PCF11: variants seen among roughly 807,000 people sequenced by gnomAD.
PCF11 encodes pre-mRNA cleavage complex 2 protein Pcf11.
A neutral mutation model predicts 166.1 loss-of-function variants in PCF11; 19 were observed. The ratio of observed to expected loss-of-function variants is 0.11; its 90% CI spans 0.08 to 0.17. The LOEUF (loss-of-function observed/expected upper bound fraction) is 0.17, where lower values mean the gene tolerates loss of function less well. Among genes scored for constraint, PCF11 ranks in the 10% least tolerant of loss-of-function variants. The probability of loss-of-function intolerance (pLI) is 1.00; values close to 1 mark genes in which losing one functional copy is unlikely to be tolerated. For missense variants in PCF11, 1,565 were observed against 1,855.5 expected, an observed-to-expected ratio of 0.84 and a Z score of 2.88; for synonymous variants, 663 against 644.1, an observed-to-expected ratio of 1.03 and a Z score of -0.44.
intron 9 of PCF11, among the ~76,000 whole-genome samples, chr11:83,175,541 A>G (rs893990692): frequency 6.6e-6 from 1 of 152,204 alleles, no homozygotes; most frequent in Non-Finnish European, 1.5e-5. Context: ...TCATGGAGTC[A>G]GGAGATCAGG....
At chr11:83,169,091 G>A (rs2135428152) in exon 8 of PCF11, 1 of 1,613,668 alleles carries the variant, frequency 6.2e-7, no homozygotes. Flanking sequence ...AGATTTGAGG[G>A]GGGTCATGGT....
Position 83,167,610 on chromosome 11 carries a change from A to G in PCF11, c.2092+105A>G. ...TGCTGAATTAACCTACTATGAACAT[A>G]AAGCAAAACTGAAAAGGACACAGGT... On this transcript the variant is annotated intron_variant, in intron 7 of 15. Transcript: ENST00000298281. This position sits in a 1 kb window ranked among gnomAD's most constrained non-coding sequence, Gnocchi z 4.2. The G allele has an allele frequency of 6.5e-7, 1 of 1,541,010 alleles. No individual in the cohort carries two copies.
intron 2 of PCF11, among the ~76,000 whole-genome samples, chr11:83,163,093 T>G (rs1860318577): frequency 6.6e-6 from 1 of 152,216 alleles, no homozygotes; most frequent in Admixed American, 6.5e-5. Context: ...CTAAACATTT[T>G]TACGCCATCA....
intron 1 of PCF11, among the ~76,000 whole-genome samples, chr11:83,159,120 A>G (rs1021149165): frequency 2.6e-5 from 4 of 152,216 alleles, no homozygotes; most frequent in East Asian, 1.9e-4. Flanking sequence ...AAGGACCTCA[A>G]CAAGTTTATC....
exon 16 of PCF11, chr11:83,185,118 A>G: frequency 2.5e-6 from 1 of 398,298 alleles, no homozygotes; most frequent in Non-Finnish European, 4.4e-6. Flanking sequence ...ATGTGTGCAA[A>G]TTTAACGAAA....
chr11:83,167,547 A>T lies in PCF11; in HGVS notation c.2092+42A>T, dbSNP rs1359234986. 6.3e-7 allele frequency: 1 copy of T among 1,591,894 alleles called. No individual in the cohort carries two copies. Among genetic ancestry groups the T allele is most frequent in the Admixed American group, 1.8e-5 (1 of 56,238 alleles). On this transcript the variant is annotated intron_variant, in intron 7 of 15. Coordinates refer to ENST00000298281, the Ensembl canonical transcript of PCF11. This position sits in a 1 kb window ranked among gnomAD's most constrained non-coding sequence, Gnocchi z 4.2. ...TGTACGGGATAGTCCTACAGAAGAA[A>T]ATAAAGGTGGATTAAAAAAGAAACC...
intron 9 of PCF11, 124 bp from the exon 10 acceptor site, chr11:83,176,961 T>C (rs537962353): frequency 3.6e-6 from 2 of 550,022 alleles, no homozygotes; most frequent in South Asian, 1.4e-4. Flanking sequence ...TTAGATTTTG[T>C]CAAATTTACT....
At chr11:83,171,121 G>C in intron 8 of PCF11, 2 of 318,204 alleles carry the variant, frequency 6.3e-6, no homozygotes, top group South Asian at 5.0e-5. Flanking sequence ...TAGAAGTCCT[G>C]CCTCCCTCTG....
exon 16 of PCF11, chr11:83,186,205 C>T (rs1033182779): frequency 6.6e-6 from 1 of 152,174 alleles, no homozygotes; most frequent in Non-Finnish European, 1.5e-5. Flanking sequence ...CACCAAACTA[C>T]TGGAAGGTGG....
exon 8 of PCF11, chr11:83,169,327 C>G: frequency 6.2e-7 from 1 of 1,611,738 alleles, no homozygotes; most frequent in Non-Finnish European, 8.5e-7. Flanking sequence ...GTTTGAAGGC[C>G]CTTTAGTCCA....
intron 11 of PCF11, among the ~76,000 whole-genome samples, chr11:83,179,423 T>G (rs1264555029): frequency 6.6e-6 from 1 of 151,998 alleles, no homozygotes; most frequent in Non-Finnish European, 1.5e-5. Flanking sequence ...CTAATTTTTG[T>G]ATTTTTAGTA....
chr11:83,177,261 A>G (rs1860918964), intron 10 of PCF11, 57 bp downstream of exon 10: 5 of 1,283,710 alleles, frequency 3.9e-6, no homozygotes, highest in Non-Finnish European at 3.2e-6. Flanking sequence ...TTTGAGATGT[A>G]TGATGTAATA....
intron 13 of PCF11, 130 bp downstream of exon 13, chr11:83,182,139 T>C: frequency 1.2e-6 from 1 of 812,646 alleles, no homozygotes; most frequent in Non-Finnish European, 1.8e-6. Context: ...AAAGCTCTAC[T>C]CTTCAATTTT....
exon 8 of PCF11, chr11:83,168,620 G>C (rs1860559288): frequency 6.2e-7 from 1 of 1,613,806 alleles, no homozygotes; most frequent in African/African-American, 1.3e-5. Flanking sequence ...TCAGTAGCAA[G>C]AGATGGCCCA....
At chr11:83,185,074 A>T (rs983447547) in exon 16 of PCF11, 60 of 493,896 alleles carry the variant, frequency 1.2e-4, no homozygotes, top group Non-Finnish European at 1.7e-4. Context: ...CTGCCTGCAG[A>T]GTTTCAGGTG....
At chr11:83,174,621 T>C (rs970949854) in intron 9 of PCF11, among the ~76,000 whole-genome samples, 4 of 152,134 alleles carry the variant, frequency 2.6e-5, no homozygotes, top group Non-Finnish European at 5.9e-5. Context: ...AAATATTAAT[T>C]CATTTAACCT....
Position 83,157,651 on chromosome 11 carries a change from C to G in PCF11, c.192+20C>G. On this transcript the variant is annotated intron_variant, in intron 1 of 15. Transcript: ENST00000298281. ...GCCAAGGTTTTTATACACCCCGCAG[C>G]CTCCTATTACTTCTAATACTCCCTG... The G allele has an allele frequency of 6.2e-7, 1 of 1,604,152 alleles. No individual in the cohort carries two copies. The highest frequency in any genetic ancestry group is 8.5e-7 in the Non-Finnish European group (1 of 1,170,982).
chr11:83,183,467 C>G (rs1861152951), intron 15 of PCF11, among the ~76,000 whole-genome samples: 1 of 151,994 alleles, frequency 6.6e-6, no homozygotes, highest in Non-Finnish European at 1.5e-5. Context: ...CATCTCTATT[C>G]AGCCATCTAA....
At chr11:83,165,324 C>G (rs1860405878) in intron 4 of PCF11, among the ~76,000 whole-genome samples, 1 of 152,116 alleles carries the variant, frequency 6.6e-6, no homozygotes, top group South Asian at 2.1e-4. Flanking sequence ...GCTCAGAATC[C>G]TGAACAATAA....
Sources: allele counts gnomAD v4.1 joint callset (sites outside exome capture counted in the v4.1 genomes callset), GRCh38; gene constraint gnomAD v4.1.1; non-coding constraint Gnocchi (gnomAD v3.1); transcripts MANE v1.5; gene names NCBI Gene and HGNC (gene_info 2026-07-23, HGNC 2026-07-21).